BCOR: variants seen among roughly 807,000 people sequenced by gnomAD.
BCOR encodes BCL-6 corepressor.
Under a neutral mutation model 86.7 loss-of-function variants are expected in BCOR, and 10 were observed. That is an observed-to-expected ratio of 0.12 (90% CI 0.07 to 0.20). The LOEUF (loss-of-function observed/expected upper bound fraction) is 0.20, where lower values mean the gene tolerates loss of function less well. Ranked by LOEUF, BCOR falls within the 10% of genes least tolerant of loss-of-function variation. The probability of loss-of-function intolerance (pLI) is 1.00; values close to 1 mark genes in which losing one functional copy is unlikely to be tolerated. For synonymous variants in BCOR, 611 were observed against 609.0 expected (o/e 1.00, Z -0.05); for missense variants, 1,259 against 1,452.1 (o/e 0.87, Z 2.16).
At chrX:40,130,526 G>A (rs1279846561) in intron 1 of BCOR, among the ~76,000 whole-genome samples, 2 of 112,213 alleles carry the variant, frequency 1.8e-5, no homozygotes, top group Admixed American at 9.4e-5. Context: ...ATCATGTGTC[G>A]CATCGCTGTG....
rs776463414 is a variant in BCOR at position 40,151,215 on chromosome X, C to A, written c.-41+25792G>T. ...GCATGTGGGTGGATTAGGCCCAAGG[C>A]GCAGGTGAGCTCTGCTGCAGAAGGA... On this transcript the variant is annotated intron_variant, in intron 1 of 14. Coordinates refer to the BCOR transcript ENST00000342274. Among the ~76,000 whole-genome samples the A allele has an allele frequency of 5.3e-5, 6 of 112,552 alleles. No homozygotes were observed. In the East Asian group the frequency reaches 1.4e-3, roughly 26 times the overall value.
intron 1 of BCOR, among the ~76,000 whole-genome samples, chrX:40,172,003 C>T (rs999197413): frequency 2.7e-5 from 3 of 113,011 alleles, no homozygotes; most frequent in African/African-American, 6.4e-5. Flanking sequence ...GCCAGCCTGG[C>T]CCCCTCTGGG....
chrX:40,171,961 C>T (rs942466875), intron 1 of BCOR, among the ~76,000 whole-genome samples: 1 of 112,859 alleles, frequency 8.9e-6, no homozygotes, highest in Non-Finnish European at 1.9e-5. Flanking sequence ...CTCTCAACGC[C>T]GGCAAGTGCA....
At chrX:40,173,195 G>C (rs771062596) in intron 1 of BCOR, among the ~76,000 whole-genome samples, 26 of 111,734 alleles carry the variant, frequency 2.3e-4, no homozygotes, top group African/African-American at 8.4e-4. Context: ...TTCTCTCTCT[G>C]GTCAATCCAG....
chrX:40,106,497 G>T (rs1231360041), intron 1 of BCOR, among the ~76,000 whole-genome samples: 1 of 110,868 alleles, frequency 9.0e-6, no homozygotes, highest in East Asian at 2.9e-4. Context: ...CCGACGACTC[G>T]GCGGGTGACA....
At chrX:40,115,953 G>A (rs1163335648) in intron 1 of BCOR, among the ~76,000 whole-genome samples, 5 of 111,070 alleles carry the variant, frequency 4.5e-5, no homozygotes, top group Non-Finnish European at 9.4e-5. Flanking sequence ...ACTTTTCCCC[G>A]TTTTGAGCTT....
Position 40,051,421 on chromosome X carries a change from T to C in BCOR, c.*688A>G. On this transcript the variant is annotated 3_prime_UTR_variant, in exon 15 of 15. Coordinates refer to ENST00000378444, the MANE Select transcript of BCOR (RefSeq NM_001123385.2). Reference sequence around the variant, plus strand: ...TTCCAAGCAACCTCAACATATTATGTTAGTTTTCAATATTTTACAGGGTAC... The same window carrying C: ...TTCCAAGCAACCTCAACATATTATGCTAGTTTTCAATATTTTACAGGGTAC... 1 of 172,138 alleles carries C rather than the reference T, an allele frequency of 5.8e-6. No individual in the cohort carries two copies. The highest frequency in any genetic ancestry group is 1.1e-5 in the Non-Finnish European group (1 of 89,262). The allele number at this position is 172,138 out of a possible 1,213,427, so 14.2% of individuals were successfully genotyped here.
At chrX:40,057,463 AG>A in intron 10 of BCOR, 142 bp from the exon 11 acceptor site, 1 of 608,145 alleles carries the variant, frequency 1.6e-6, no homozygotes, top group Non-Finnish European at 2.6e-6. Flanking sequence ...TGTCTTGGTG[AG>A]GGGGAAACAC....
chrX:40,142,753 G>A (rs181099413), intron 1 of BCOR, among the ~76,000 whole-genome samples: 89 of 111,340 alleles, frequency 8.0e-4, no homozygotes, highest in African/African-American at 2.8e-3. Context: ...TTTTTTTCCC[G>A]ATTTCCATTT....
Position 40,062,730 on chromosome X carries a change from C to CG in BCOR, c.4173+15dup. On this transcript the variant is annotated intron_variant, in intron 9 of 14. Coordinates refer to ENST00000378444, the MANE Select transcript of BCOR (RefSeq NM_001123385.2). ...GTTCGCACAGGCCCCAGAGGGAAGC[C>CG]GGGGTCAAGAGGTACCTTGCCATCG... is the stretch of plus-strand genomic sequence containing the variant. 1 of 1,201,636 alleles carries CG rather than the reference C, an allele frequency of 8.3e-7. No homozygotes were observed. The highest frequency in any genetic ancestry group is 1.1e-6 in the Non-Finnish European group (1 of 887,587).
chrX:40,122,255 G>A (rs772634299), intron 1 of BCOR, among the ~76,000 whole-genome samples: 4 of 111,106 alleles, frequency 3.6e-5, no homozygotes, highest in Non-Finnish European at 5.7e-5. Flanking sequence ...AAATGTTGAC[G>A]AAACAGGACT....
chrX:40,105,786 G>A lies in BCOR; in HGVS notation c.-40-27817C>T, dbSNP rs746191982. 1.9e-4 allele frequency among the ~76,000 whole-genome samples: 22 copies of A among 113,054 alleles called. No homozygotes were observed. The South Asian group carries it at 7.9e-3, about 41-fold the overall frequency. ...CCCCCATCTCCCACCCACTGCAGGC[G>A]ACAGAGCGCGAAGCCAGAGGGCCTG... is the stretch of plus-strand genomic sequence containing the variant. On this transcript the variant is annotated intron_variant, in intron 1 of 14. Coordinates refer to the BCOR transcript ENST00000342274.
intron 1 of BCOR, among the ~76,000 whole-genome samples, chrX:40,108,686 C>CAGCGGCCTGCTCTCCACAGGAG (rs1217378228): frequency 8.8e-6 from 1 of 113,337 alleles, no homozygotes; most frequent in Non-Finnish European, 1.9e-5. Context: ...CCTCGGGCCT[C>CAGCGGCCTGCTCTCCACAGGAG]AGCGGCCTGC....
intron 7 of BCOR, 62 bp from the exon 8 acceptor site, chrX:40,064,014 C>T (rs376725015): frequency 1.5e-4 from 106 of 697,651 alleles, no homozygotes; most frequent in East Asian, 3.2e-4. Context: ...AACTGTCTTA[C>T]GCATCACTAA....
In BCOR at chrX:40,062,379, T is replaced by C. The variant is rs1340294679; in HGVS notation, c.4188A>G (p.Arg1396=). The change falls in exon 10 of 15, where the codon AGA becomes AGG. Residue 1396 remains arginine (R), a synonymous_variant. Transcript: ENST00000378444. Reference sequence around the variant, plus strand: ...AACTGGGCTCCGGCCGCTTTCTGAATCTCCGGACAGTCACCTATCATAAAA... The same window carrying C: ...AACTGGGCTCCGGCCGCTTTCTGAACCTCCGGACAGTCACCTATCATAAAA... The part of the protein sequence containing the change: ...ENADGKVTVR[R]FRKRPEPSSD... The C allele has an allele frequency of 3.3e-6, 4 of 1,204,701 alleles. No individual in the cohort carries two copies. Among genetic ancestry groups the C allele is most frequent in the Non-Finnish European group, 4.5e-6 (4 of 892,319 alleles).
chrX:40,129,770 T>C (rs1354661069), intron 1 of BCOR, among the ~76,000 whole-genome samples: 1 of 110,762 alleles, frequency 9.0e-6, no homozygotes, highest in African/African-American at 3.3e-5. Context: ...CCGGGTGCGG[T>C]GGCTCACGCC....
At chrX:40,141,114 G>A (rs753101432) in intron 1 of BCOR, among the ~76,000 whole-genome samples, 9 of 112,632 alleles carry the variant, frequency 8.0e-5, no homozygotes, top group East Asian at 5.6e-4. Flanking sequence ...GGCTGCCAAG[G>A]GGCAGCAGGG....
intron 3 of BCOR, among the ~76,000 whole-genome samples, chrX:40,076,111 T>C (rs1255123415): frequency 3.6e-5 from 4 of 112,502 alleles, no homozygotes; most frequent in Non-Finnish European, 5.6e-5. Flanking sequence ...GTGACAGTCC[T>C]GTGTTTCGTA....
intron 10 of BCOR, among the ~76,000 whole-genome samples, chrX:40,060,689 C>T (rs1329105977): frequency 8.9e-6 from 1 of 112,606 alleles, no homozygotes; most frequent in Non-Finnish European, 1.9e-5. Flanking sequence ...TCATAGGCGC[C>T]GCTGCTCTCA....
Sources: gnomAD v4.1 joint callset for allele counts (sites outside exome capture counted in the v4.1 genomes callset) on GRCh38, gnomAD v4.1.1 for gene constraint, MANE v1.5 for transcripts, NCBI Gene and HGNC (gene_info 2026-07-23, HGNC 2026-07-21) for gene names.